Variants in AP3B1 observed in about 807,000 individuals in gnomAD.
AP3B1 encodes adaptor related protein complex 3 subunit beta 1, also known as AP-3 complex subunit beta-1.
In AP3B1, 61 loss-of-function variants were observed where a neutral mutation model predicts 132.5. That is an observed-to-expected ratio of 0.46 (90% CI 0.37 to 0.57). The LOEUF (loss-of-function observed/expected upper bound fraction) is 0.57, where lower values mean the gene tolerates loss of function less well. AP3B1 is among the 20% of genes least tolerant of loss of function. The probability of loss-of-function intolerance (pLI) is 0.00; values close to 1 mark genes in which losing one functional copy is unlikely to be tolerated. For synonymous variants in AP3B1, 388 were observed against 438.3 expected (o/e 0.89, Z 1.43); for missense variants, 1,120 against 1,289.4 (o/e 0.87, Z 2.01).
At chr5:78,275,585 C>T (rs1187542721) in intron 1 of AP3B1, among the ~76,000 whole-genome samples, 3 of 152,144 alleles carry the variant, frequency 2.0e-5, no homozygotes, top group African/African-American at 7.2e-5. Context: ...AAGCAATTTC[C>T]CTGCCTCAGC....
chr5:78,237,690 GT>G (rs1479178784), intron 3 of AP3B1, among the ~76,000 whole-genome samples: 1 of 152,052 alleles, frequency 6.6e-6, no homozygotes, highest in Non-Finnish European at 1.5e-5. Context: ...ACACAAGCCT[GT>G]AATCCCAGCT....
chr5:78,017,907 A>G (rs547339915), intron 25 of AP3B1, among the ~76,000 whole-genome samples: 1 of 152,152 alleles, frequency 6.6e-6, no homozygotes, highest in East Asian at 1.9e-4. Flanking sequence ...AATCAGCTGT[A>G]ATTAACTACT....
intron 12 of AP3B1, among the ~76,000 whole-genome samples, chr5:78,164,872 C>T (rs1478451402): frequency 6.6e-6 from 1 of 152,034 alleles, no homozygotes; most frequent in African/African-American, 2.4e-5. Flanking sequence ...AAATACATCT[C>T]TAAAAGTTGG....
intron 7 of AP3B1, among the ~76,000 whole-genome samples, chr5:78,188,480 A>AG (rs1158593968): frequency 6.6e-6 from 1 of 152,232 alleles, no homozygotes; most frequent in African/African-American, 2.4e-5. Context: ...TATGAAAAAT[A>AG]GCTCAACATC....
At chr5:78,008,783 T>C (rs1287273009) in intron 26 of AP3B1, among the ~76,000 whole-genome samples, 1 of 152,224 alleles carries the variant, frequency 6.6e-6, no homozygotes, top group East Asian at 1.9e-4. Flanking sequence ...AGATGTCCAA[T>C]GTTATTTGAA....
chr5:78,266,689 G>C (rs1748336093), intron 2 of AP3B1, among the ~76,000 whole-genome samples: 1 of 152,128 alleles, frequency 6.6e-6, no homozygotes, highest in Non-Finnish European at 1.5e-5. Context: ...AGCAATGGTG[G>C]TGATAAAAAG....
In AP3B1 at chr5:78,294,600, C is replaced by A. The variant is rs1192949948; in HGVS notation, c.-21G>T. On this transcript the variant is annotated 5_prime_UTR_variant, in exon 1 of 27. Transcript: ENST00000255194. Reference sequence around the variant, plus strand: ...GACATTGCCGCGGTGCTGGCGGGTGCGGGGTTGGTCCTGCCGGGGGTTCTC... The same window carrying A: ...GACATTGCCGCGGTGCTGGCGGGTGAGGGGTTGGTCCTGCCGGGGGTTCTC... The A allele has an allele frequency of 6.2e-7, 1 of 1,613,656 alleles. No homozygotes were observed. The highest frequency in any genetic ancestry group is 2.2e-5 in the East Asian group (1 of 44,886).
At chr5:78,046,506 A>G (rs1007020240) in intron 22 of AP3B1, among the ~76,000 whole-genome samples, 1 of 152,160 alleles carries the variant, frequency 6.6e-6, no homozygotes, top group Admixed American at 6.5e-5. Context: ...CTGAGCAGAA[A>G]CATTAGCAAC....
intron 1 of AP3B1, among the ~76,000 whole-genome samples, chr5:78,292,498 T>C (rs971661544): frequency 6.6e-6 from 1 of 152,210 alleles, no homozygotes; most frequent in African/African-American, 2.4e-5. Context: ...GCTCTAATAT[T>C]AGAGCCCCTG....
At chr5:78,117,073 T>C (rs573529038) in intron 17 of AP3B1, among the ~76,000 whole-genome samples, 1 of 151,894 alleles carries the variant, frequency 6.6e-6, no homozygotes, top group East Asian at 1.9e-4. Flanking sequence ...CCTGATCTGC[T>C]CTGGCCATGC....
chr5:78,114,028 T>G, intron 18 of AP3B1, 105 bp from the exon 19 acceptor site: 1 of 1,288,974 alleles, frequency 7.8e-7, no homozygotes. Flanking sequence ...ATGTTGAATT[T>G]TAGTTCAGTG....
chr5:78,288,811 T>G (rs1211841346), intron 1 of AP3B1, among the ~76,000 whole-genome samples: 1 of 152,028 alleles, frequency 6.6e-6, no homozygotes, highest in Non-Finnish European at 1.5e-5. Context: ...TATAAATATT[T>G]AAGAAATATT....
intron 26 of AP3B1, among the ~76,000 whole-genome samples, chr5:78,011,749 T>C (rs1746635169): frequency 6.6e-6 from 1 of 152,194 alleles, no homozygotes; most frequent in Non-Finnish European, 1.5e-5. Context: ...ATTCTTACAC[T>C]AAGTATTTCT....
At chr5:78,292,623 G>A (rs565854113) in intron 1 of AP3B1, among the ~76,000 whole-genome samples, 38 of 151,592 alleles carry the variant, frequency 2.5e-4, no homozygotes, top group African/African-American at 9.3e-4. Context: ...GTAATAACCT[G>A]CAGGGTTGTT....
At chr5:78,018,510 T>C (rs1166542320) in intron 25 of AP3B1, among the ~76,000 whole-genome samples, 1 of 152,026 alleles carries the variant, frequency 6.6e-6, no homozygotes, top group Non-Finnish European at 1.5e-5. Flanking sequence ...AGAATGAAAA[T>C]AGAACCATAT....
At chr5:78,039,359 A>T in intron 22 of AP3B1, 85 bp from the exon 23 acceptor site, 1 of 1,097,554 alleles carries the variant, frequency 9.1e-7, no homozygotes. Context: ...TATGACATTT[A>T]ATTCTTGGTT....
rs1231443036 is a variant in AP3B1 at position 78,228,165 on chromosome 5, G to A, written c.354C>T (p.Ser118=). The A allele has an allele frequency of 2.5e-6, 4 of 1,608,118 alleles. No homozygotes were observed. The highest frequency in any genetic ancestry group is 2.5e-6 in the Non-Finnish European group (3 of 1,177,968). ...EQQDLALLSI[S]TFQRALKDPN... Reference sequence around the variant, plus strand: ...TTACCTTCAGAGCTCGCTGAAAAGTGCTTATGGACAGGAGTGCAAGATCCT... The same window carrying A: ...TTACCTTCAGAGCTCGCTGAAAAGTACTTATGGACAGGAGTGCAAGATCCT... Residue 118 remains serine (S), a synonymous_variant, in exon 4 of 27, where the codon AGC becomes AGT. Transcript: ENST00000255194.
intron 15 of AP3B1, among the ~76,000 whole-genome samples, chr5:78,130,400 C>T (rs1752636395): frequency 6.6e-6 from 1 of 151,984 alleles, no homozygotes; most frequent in South Asian, 2.1e-4. Flanking sequence ...GTGGTAAACT[C>T]TTTTACAATA....
chr5:78,103,959 T>TA (rs1215816482), intron 20 of AP3B1, among the ~76,000 whole-genome samples: 2 of 151,806 alleles, frequency 1.3e-5, no homozygotes, highest in African/African-American at 2.4e-5. Flanking sequence ...TCATGCTGAT[T>TA]AAAAAAAAGG....
Sources: allele counts gnomAD v4.1 joint callset (sites outside exome capture counted in the v4.1 genomes callset), GRCh38; gene constraint gnomAD v4.1.1; transcripts MANE v1.5; gene names NCBI Gene and HGNC (gene_info 2026-07-23, HGNC 2026-07-21).